WWOX: variants seen among roughly 807,000 people sequenced by gnomAD.
WWOX encodes WW domain-containing oxidoreductase.
Under a neutral mutation model 46.2 loss-of-function variants are expected in WWOX, and 69 were observed. That is an observed-to-expected ratio of 1.49 (90% confidence interval 1.23 to 1.82). WWOX has a LOEUF of 1.82. Ranked by LOEUF, WWOX falls within the 40% of genes most tolerant of loss-of-function variation. WWOX has a pLI of 0.00. For synonymous variants in WWOX, 359 were observed against 202.6 expected, an observed-to-expected ratio of 1.77 and a Z score of -6.56; for missense variants, 919 against 542.6, an observed-to-expected ratio of 1.69 and a Z score of -6.89.
intron 8 of WWOX, among the ~76,000 whole-genome samples, chr16:78,719,364 T>A (rs530256565): frequency 1.9e-4 from 29 of 152,350 alleles, no homozygotes; most frequent in African/African-American, 6.3e-4. Flanking sequence ...TTGCTAAATC[T>A]TCTGTCAGGT....
chr16:78,306,770 A>G (rs183078398), intron 5 of WWOX, among the ~76,000 whole-genome samples: 1 of 151,510 alleles, frequency 6.6e-6, no homozygotes, highest in East Asian at 1.9e-4. Context: ...TTCCCTGTAA[A>G]TCTCACTCCT....
At chr16:78,239,878 ACT>A (rs1567450291) in intron 5 of WWOX, among the ~76,000 whole-genome samples, 2 of 151,750 alleles carry the variant, frequency 1.3e-5, no homozygotes, top group Non-Finnish European at 2.9e-5. Context: ...TTTCCTCAAG[ACT>A]CACAGGGAAT....
Position 78,407,946 on chromosome 16 carries a change from A to G in WWOX, c.606-16924A>G, listed in dbSNP as rs191556280. 8.1e-3 allele frequency among the ~76,000 whole-genome samples: 1,241 copies of G among 152,308 alleles called. 10 individuals are homozygous for G. Among genetic ancestry groups the G allele is most frequent in the South Asian group, 0.015 (74 of 4,822 alleles). On this transcript the variant is annotated intron_variant, in intron 6 of 8. Coordinates refer to ENST00000566780, the MANE Select transcript of WWOX (RefSeq NM_016373.4). The stretch of plus-strand genomic sequence containing the variant: ...GTAGAAAGTGTTAAGTAATGTAGGA[A>G]TGGACATATCCCAAGCAAAATTGGA...
intron 8 of WWOX, among the ~76,000 whole-genome samples, chr16:78,828,481 C>G (rs1251649725): frequency 2.0e-5 from 3 of 152,006 alleles, no homozygotes; most frequent in African/African-American, 7.3e-5. Flanking sequence ...TGTCTACCAT[C>G]TAAAGTCCAG....
intron 5 of WWOX, among the ~76,000 whole-genome samples, chr16:78,364,473 T>A (rs977825339): frequency 1.3e-5 from 2 of 151,938 alleles, no homozygotes; most frequent in African/African-American, 4.8e-5. Flanking sequence ...GCCCGGAATA[T>A]CTGATCTTAC....
intron 8 of WWOX, among the ~76,000 whole-genome samples, chr16:79,061,423 G>A (rs550406652): frequency 9.4e-4 from 143 of 152,324 alleles, no homozygotes; most frequent in Non-Finnish European, 1.6e-3. Flanking sequence ...GAGTGTGGGA[G>A]GACTGGTATA....
At chr16:78,131,749 A>G (rs566470463) in intron 4 of WWOX, among the ~76,000 whole-genome samples, 72 of 149,834 alleles carry the variant, frequency 4.8e-4, no homozygotes, top group Non-Finnish European at 9.2e-4. Context: ...ACGCCCAGCT[A>G]TTTTTTTTGT....
chr16:78,669,990 A>C (rs1175744431), intron 8 of WWOX, among the ~76,000 whole-genome samples: 1 of 152,058 alleles, frequency 6.6e-6, no homozygotes, highest in Admixed American at 6.6e-5. Flanking sequence ...CCCCACCAGT[A>C]ATGTAGAGCT....
chr16:78,836,411 T>C (rs1242378328), intron 8 of WWOX, among the ~76,000 whole-genome samples: 1 of 152,166 alleles, frequency 6.6e-6, no homozygotes, highest in Non-Finnish European at 1.5e-5. Context: ...GATTGAGGTC[T>C]CCTGAAACTT....
intron 8 of WWOX, among the ~76,000 whole-genome samples, chr16:79,135,403 C>T (rs960977367): frequency 6.6e-6 from 1 of 152,058 alleles, no homozygotes; most frequent in Non-Finnish European, 1.5e-5. Context: ...TGCCTGTTAT[C>T]CCATTGTCTG....
At chr16:79,191,335 C>T (rs901148333) in intron 8 of WWOX, among the ~76,000 whole-genome samples, 10 of 152,104 alleles carry the variant, frequency 6.6e-5, no homozygotes, top group South Asian at 4.1e-4. Context: ...GGATCACAGG[C>T]GTGAGCCAGC....
chr16:78,305,200 C>T (rs548075230), intron 5 of WWOX, among the ~76,000 whole-genome samples: 2 of 152,296 alleles, frequency 1.3e-5, no homozygotes, highest in African/African-American at 2.4e-5. Flanking sequence ...AAATCACCAA[C>T]TGAATTTTTT....
chr16:79,052,548 G>A (rs2550682), intron 8 of WWOX, among the ~76,000 whole-genome samples: 81,210 of 152,004 alleles, frequency 0.53, 21,910 homozygotes, highest in African/African-American at 0.57. Context: ...TCCAACAGTG[G>A]TAGACTGGAT....
At chr16:78,582,694 G>T (rs1415690186) in intron 8 of WWOX, among the ~76,000 whole-genome samples, 2 of 152,110 alleles carry the variant, frequency 1.3e-5, no homozygotes, top group Admixed American at 6.6e-5. Context: ...GATGACCCCT[G>T]CTTAACAGTA....
chr16:78,731,241 A>G (rs1036477632), intron 8 of WWOX, among the ~76,000 whole-genome samples: 1 of 152,152 alleles, frequency 6.6e-6, no homozygotes, highest in Non-Finnish European at 1.5e-5. Context: ...TTGACATGGC[A>G]GTGTGATGTG....
At chr16:78,170,599 C>A (rs890462103) in intron 5 of WWOX, among the ~76,000 whole-genome samples, 21 of 152,224 alleles carry the variant, frequency 1.4e-4, no homozygotes, top group African/African-American at 4.8e-4. Flanking sequence ...TATGTCTGGA[C>A]TCCTACATTT....
chr16:78,407,712 C>T (rs2082581061), intron 6 of WWOX, among the ~76,000 whole-genome samples: 1 of 152,170 alleles, frequency 6.6e-6, no homozygotes, highest in Non-Finnish European at 1.5e-5. Context: ...CCTCCAGCTT[C>T]AGTGATATAT....
chr16:78,851,689 G>C (rs571704660), intron 8 of WWOX, among the ~76,000 whole-genome samples: 21 of 152,266 alleles, frequency 1.4e-4, no homozygotes, highest in African/African-American at 4.3e-4. Context: ...AAAATACAAG[G>C]TGACTCCAAA....
intron 5 of WWOX, among the ~76,000 whole-genome samples, chr16:78,322,472 C>T (rs1023851517): frequency 6.6e-6 from 1 of 152,186 alleles, no homozygotes; most frequent in African/African-American, 2.4e-5. Flanking sequence ...TTAAACTTCT[C>T]AACAACCCAG....
Sources: allele counts gnomAD v4.1 joint callset (sites outside exome capture counted in the v4.1 genomes callset), GRCh38; gene constraint gnomAD v4.1.1; transcripts MANE v1.5; gene names NCBI Gene and HGNC (gene_info 2026-07-23, HGNC 2026-07-21).